WDR41: variants seen among roughly 807,000 people sequenced by gnomAD.
The protein encoded by WDR41 is WD repeat domain 41.
In WDR41, 63 loss-of-function variants were observed where a neutral mutation model predicts 69.3. That is an observed-to-expected ratio of 0.91 (90% CI 0.74 to 1.12). The LOEUF is 1.12. Ranked by LOEUF, WDR41 falls within the 50% of genes most tolerant of loss-of-function variation. WDR41 has a pLI of 0.00. For synonymous variants in WDR41, 185 were observed against 192.1 expected (o/e 0.96, Z 0.31); for missense variants, 543 against 534.5 (o/e 1.02, Z -0.16).
At chr5:77,551,370 A>C (rs947422919) in intron 1 of WDR41, among the ~76,000 whole-genome samples, 1 of 152,252 alleles carries the variant, frequency 6.6e-6, no homozygotes, top group Non-Finnish European at 1.5e-5. Context: ...CAAAGTAAAA[A>C]TAATATAGCA....
intron 1 of WDR41, among the ~76,000 whole-genome samples, chr5:77,583,493 CAGAG>C (rs1254671733): frequency 3.3e-5 from 5 of 150,152 alleles, no homozygotes; most frequent in African/African-American, 1.2e-4. Context: ...GCCTGGGTGA[CAGAG>C]AGAAACCCTA....
chr5:77,582,840 C>G (rs374727480), intron 1 of WDR41: 2 of 1,602,350 alleles, frequency 1.2e-6, no homozygotes, highest in African/African-American at 2.7e-5. Context: ...AACTAATCTA[C>G]AAGCGTGGTT....
intron 1 of WDR41, among the ~76,000 whole-genome samples, chr5:77,490,553 GAAGA>G (rs1250030811): frequency 1.3e-5 from 2 of 151,072 alleles, no homozygotes. Context: ...AGATTTATAT[GAAGA>G]AATATATAAA....
chr5:77,466,752 C>T (rs191502395), intron 2 of WDR41, among the ~76,000 whole-genome samples: 31 of 151,098 alleles, frequency 2.1e-4, no homozygotes, highest in African/African-American at 7.0e-4. Context: ...AGGTCAATTA[C>T]CTGGTTGGTA....
intron 11 of WDR41, 48 bp downstream of exon 11, chr5:77,437,288 G>C (rs1416132415): frequency 1.3e-6 from 2 of 1,494,704 alleles, no homozygotes; most frequent in African/African-American, 2.8e-5. Flanking sequence ...CCTTTCACGT[G>C]AGAAAAAAGG....
At chr5:77,588,166 A>G (rs1023409022) in intron 1 of WDR41, among the ~76,000 whole-genome samples, 11 of 152,206 alleles carry the variant, frequency 7.2e-5, no homozygotes, top group African/African-American at 2.7e-4. Context: ...AGTTGCTTAC[A>G]TATTGGGGAT....
intron 1 of WDR41, among the ~76,000 whole-genome samples, chr5:77,599,754 G>T (rs934995287): frequency 6.6e-6 from 1 of 152,150 alleles, no homozygotes; most frequent in African/African-American, 2.4e-5. Context: ...TTGGTGGTGG[G>T]AGGTGGTGGC....
chr5:77,473,613 C>A (rs1256519317), intron 2 of WDR41, among the ~76,000 whole-genome samples: 4 of 152,130 alleles, frequency 2.6e-5, no homozygotes, highest in African/African-American at 7.2e-5. Flanking sequence ...AAATAAACAA[C>A]CCTATCAACA....
chr5:77,587,939 T>C (rs1291680447), intron 1 of WDR41, among the ~76,000 whole-genome samples: 3 of 152,144 alleles, frequency 2.0e-5, no homozygotes, highest in South Asian at 2.1e-4. Flanking sequence ...GTTCTACCAA[T>C]AGGATCTTGA....
chr5:77,457,808 A>AT (rs1345717808), intron 5 of WDR41, among the ~76,000 whole-genome samples: 6 of 142,816 alleles, frequency 4.2e-5, no homozygotes, highest in Admixed American at 2.8e-4. Context: ...GTGCAATGCT[A>AT]TTTTTTAACA....
chr5:77,438,353 A>T lies in WDR41; in HGVS notation c.891T>A (p.Phe297Leu), dbSNP rs750543509. The change falls in exon 10 of 13, where the codon TTT (phenylalanine) becomes TTA (leucine). Residue 297 changes from phenylalanine (F) to leucine (L), a missense_variant. Coordinates refer to ENST00000296679, the MANE Select transcript of WDR41 (RefSeq NM_018268.4). ...HHFTCDEENV[F>L]AAVGRGLYVY... is the part of the protein sequence containing the mutation. The stretch of plus-strand genomic sequence containing the variant: ...CGTATAAACCCCTTCCAACTGCAGC[A>T]AATACATTCTAGGGGAAGAAGTTCA... 4 of 1,613,962 alleles carry T rather than the reference A, an allele frequency of 2.5e-6. No homozygotes were observed. In the South Asian group the frequency reaches 3.3e-5, roughly 13 times the overall value.
chr5:77,518,298 A>G (rs1441161888), intron 1 of WDR41, among the ~76,000 whole-genome samples: 8 of 152,162 alleles, frequency 5.3e-5, no homozygotes, highest in African/African-American at 1.9e-4. Flanking sequence ...TGTCTCCTAA[A>G]AGAAAGAATG....
intron 1 of WDR41, among the ~76,000 whole-genome samples, chr5:77,504,568 C>CA: frequency 6.6e-6 from 1 of 152,040 alleles, no homozygotes; most frequent in East Asian, 1.9e-4. Flanking sequence ...AGAGACACAA[C>CA]AAAAAAAGAG....
At chr5:77,553,251 C>T (rs184582502) in intron 1 of WDR41, among the ~76,000 whole-genome samples, 11 of 152,258 alleles carry the variant, frequency 7.2e-5, no homozygotes, top group Non-Finnish European at 1.5e-4. Context: ...GATTTAATCA[C>T]CAGCATTTGG....
At chr5:77,518,376 C>G (rs1361726907) in intron 1 of WDR41, among the ~76,000 whole-genome samples, 1 of 151,992 alleles carries the variant, frequency 6.6e-6, no homozygotes, top group East Asian at 1.9e-4. Flanking sequence ...TATTTTGAAC[C>G]ATTATTCCTT....
chr5:77,476,161 T>C (rs1002176013), intron 2 of WDR41, among the ~76,000 whole-genome samples: 40 of 151,778 alleles, frequency 2.6e-4, no homozygotes, highest in African/African-American at 9.7e-4. Context: ...CTCCAAGAAA[T>C]ATGGGACTAT....
intron 1 of WDR41, among the ~76,000 whole-genome samples, chr5:77,601,293 C>A (rs1744319972): frequency 6.6e-6 from 1 of 151,904 alleles, no homozygotes; most frequent in Non-Finnish European, 1.5e-5. Flanking sequence ...TCGAGATATA[C>A]CTACCTGAGA....
At chr5:77,497,133 G>A (rs1801946282), upstream of WDR41, among the ~76,000 whole-genome samples, 1 of 152,084 alleles carries the variant, frequency 6.6e-6, no homozygotes, top group African/African-American at 2.4e-5. Flanking sequence ...AAGCTAAGTT[G>A]TAAAACTCTT....
At chr5:77,471,847 G>T (rs1042232965) in intron 2 of WDR41, among the ~76,000 whole-genome samples, 19 of 152,116 alleles carry the variant, frequency 1.2e-4, no homozygotes, top group Non-Finnish European at 2.2e-4. Context: ...TCTACCAGAG[G>T]TACAAGGAGA....
Sources: allele counts gnomAD v4.1 joint callset (sites outside exome capture counted in the v4.1 genomes callset), GRCh38; gene constraint gnomAD v4.1.1; transcripts MANE v1.5; gene names NCBI Gene and HGNC (gene_info 2026-07-23, HGNC 2026-07-21).